The following LOC400499 variants were observed in gnomAD, a reference collection of about 807,000 sequenced individuals.
chr16:11,518,178 C>T, the LOC400499 span, among the ~76,000 whole-genome samples: 1 of 152,232 alleles, frequency 6.6e-6, no homozygotes, highest in Non-Finnish European at 1.5e-5. Flanking sequence ...CTCCCCTTGC[C>T]TTTCAGTGAG....
the LOC400499 span, among the ~76,000 whole-genome samples, chr16:11,412,276 G>A: frequency 2.0e-5 from 3 of 152,180 alleles, no homozygotes; most frequent in African/African-American, 4.8e-5. Flanking sequence ...CTTCACAGTC[G>A]TGGGTGTGTC....
At chr16:11,388,508 C>T in the LOC400499 span, among the ~76,000 whole-genome samples, 1 of 152,210 alleles carries the variant, frequency 6.6e-6, no homozygotes, top group South Asian at 2.1e-4. Context: ...AAGGAGCTGC[C>T]TCCCTGCTTG....
At chr16:11,385,197 C>G in the LOC400499 span, 3 of 1,231,968 alleles carry the variant, frequency 2.4e-6, no homozygotes, top group Non-Finnish European at 3.0e-6. Context: ...GGCTGCCATG[C>G]CTCTCCTGCT....
chr16:11,400,389 C>G, the LOC400499 span, among the ~76,000 whole-genome samples: 5 of 152,176 alleles, frequency 3.3e-5, no homozygotes, highest in Non-Finnish European at 4.4e-5. Context: ...GACCACCCAC[C>G]TTACAGTTGC....
At chr16:11,466,840 T>C in the LOC400499 span, among the ~76,000 whole-genome samples, 22 of 152,218 alleles carry the variant, frequency 1.4e-4, no homozygotes, top group Admixed American at 1.0e-3. Context: ...TTAATCTCAA[T>C]GAAATCTACA....
the LOC400499 span, among the ~76,000 whole-genome samples, chr16:11,489,136 C>G: frequency 3.9e-5 from 6 of 152,218 alleles, no homozygotes; most frequent in Non-Finnish European, 8.8e-5. Context: ...ACTCAAAAGT[C>G]AGACCTGAGT....
chr16:11,463,805 GTA>G, the LOC400499 span, among the ~76,000 whole-genome samples: 4 of 152,154 alleles, frequency 2.6e-5, no homozygotes, highest in African/African-American at 7.2e-5. Context: ...ATGTTTGTGT[GTA>G]TGAATATGTG....
At chr16:11,461,084 C>A in the LOC400499 span, 2 of 1,535,960 alleles carry the variant, frequency 1.3e-6, no homozygotes, top group Non-Finnish European at 8.7e-7. Flanking sequence ...AGGGCGGCCA[C>A]CCTCCGTCCA....
At chr16:11,455,389 T>C in the LOC400499 span, among the ~76,000 whole-genome samples, 1 of 152,100 alleles carries the variant, frequency 6.6e-6, no homozygotes, top group Non-Finnish European at 1.5e-5. Flanking sequence ...ATGGAGAATA[T>C]AAACAGAAAA....
the LOC400499 span, among the ~76,000 whole-genome samples, chr16:11,390,940 G>A: frequency 6.6e-6 from 1 of 152,236 alleles, no homozygotes; most frequent in African/African-American, 2.4e-5. Context: ...GGGACTGGGA[G>A]AGTACCCTGG....
the LOC400499 span, among the ~76,000 whole-genome samples, chr16:11,403,707 G>A: frequency 6.6e-5 from 10 of 152,302 alleles, no homozygotes; most frequent in South Asian, 1.2e-3. Context: ...TCCTTACACA[G>A]AAACTAAGTC....
chr16:11,452,928 G>T, the LOC400499 span, among the ~76,000 whole-genome samples: 3 of 152,370 alleles, frequency 2.0e-5, no homozygotes, highest in African/African-American at 7.2e-5. Flanking sequence ...CTGGTCCGAT[G>T]AGTTTTCTGG....
At chr16:11,387,400 G>GCTCTTC in the LOC400499 span, 1 of 929,764 alleles carries the variant, frequency 1.1e-6, no homozygotes, top group Non-Finnish European at 1.4e-6. Flanking sequence ...GCAGTGGAGA[G>GCTCTTC]CATGAGGGTG....
At chr16:11,476,824 C>A in the LOC400499 span, 1 of 399,376 alleles carries the variant, frequency 2.5e-6, no homozygotes, top group Non-Finnish European at 4.4e-6. Context: ...AAGGACCCGG[C>A]CCTTCTGCAC....
the LOC400499 span, among the ~76,000 whole-genome samples, chr16:11,510,130 G>T: frequency 6.6e-6 from 1 of 151,574 alleles, no homozygotes; most frequent in Non-Finnish European, 1.5e-5. Flanking sequence ...AAACTTCCCT[G>T]AGCCCCGCTT....
chr16:11,418,183 G>C, the LOC400499 span, among the ~76,000 whole-genome samples: 4 of 152,176 alleles, frequency 2.6e-5, no homozygotes, highest in African/African-American at 9.7e-5. Flanking sequence ...GCCTACATCT[G>C]TTGTTGTAAA....
chr16:11,464,454 T>G, the LOC400499 span, among the ~76,000 whole-genome samples: 1 of 152,208 alleles, frequency 6.6e-6, no homozygotes, highest in Non-Finnish European at 1.5e-5. Flanking sequence ...ATGTGTCACG[T>G]CACCAGGCGT....
chr16:11,443,837 C>T, the LOC400499 span, among the ~76,000 whole-genome samples: 1 of 118,092 alleles, frequency 8.5e-6, no homozygotes, highest in African/African-American at 3.3e-5. Flanking sequence ...GTAATCCCAA[C>T]ACTTTTTTTT....
the LOC400499 span, among the ~76,000 whole-genome samples, chr16:11,410,356 G>A: frequency 1.3e-5 from 2 of 152,050 alleles, no homozygotes; most frequent in Non-Finnish European, 2.9e-5. Flanking sequence ...CAGGAGGCTG[G>A]GGCAGGAGAA....
Sources: allele counts gnomAD v4.1 joint callset (sites outside exome capture counted in the v4.1 genomes callset), GRCh38; gene constraint gnomAD v4.1.1; transcripts MANE v1.5.